The following TRIM16 variants were observed in gnomAD, a reference collection of about 807,000 sequenced individuals.
The protein encoded by TRIM16 is tripartite motif containing 16, also known as tripartite motif-containing protein 16.
In TRIM16, 33 loss-of-function variants were observed where a neutral mutation model predicts 50.4. The ratio of observed to expected loss-of-function variants is 0.65; its 90% CI spans 0.50 to 0.88. The LOEUF is 0.88. Ranked by LOEUF, TRIM16 falls within the 40% of genes least tolerant of loss-of-function variation. The pLI, the probability that TRIM16 is intolerant of heterozygous loss-of-function variation, is 0.00. For synonymous variants in TRIM16, 229 were observed against 270.7 expected, an observed-to-expected ratio of 0.85 and a Z score of 1.51; for missense variants, 581 against 686.8, an observed-to-expected ratio of 0.85 and a Z score of 1.72.
intron 8 of TRIM16, among the ~76,000 whole-genome samples, chr17:15,640,817 T>C (rs193066634): frequency 1.3e-5 from 2 of 148,348 alleles, no homozygotes; most frequent in East Asian, 2.1e-4. Flanking sequence ...AGGCTCCAGG[T>C]AGCCAGGCTC....
At chr17:15,679,304 G>A (rs1035849734) in intron 4 of TRIM16, among the ~76,000 whole-genome samples, 1 of 152,232 alleles carries the variant, frequency 6.6e-6, no homozygotes, top group Non-Finnish European at 1.5e-5. Context: ...TGTGTAGAAT[G>A]CTCCTGGATA....
intron 6 of TRIM16, among the ~76,000 whole-genome samples, chr17:15,656,352 T>C (rs1987980264): frequency 6.6e-6 from 1 of 152,208 alleles, no homozygotes; most frequent in South Asian, 2.1e-4. Flanking sequence ...CACTGAGCCC[T>C]GGGGCATCTT....
chr17:15,664,662 G>T (rs139809709), intron 6 of TRIM16, among the ~76,000 whole-genome samples: 1 of 152,248 alleles, frequency 6.6e-6, no homozygotes, highest in African/African-American at 2.4e-5. Flanking sequence ...AATGCGCCTC[G>T]GGGAGGCTTC....
intron 6 of TRIM16, among the ~76,000 whole-genome samples, chr17:15,666,975 G>A (rs148703157): frequency 1.0e-3 from 152 of 152,050 alleles, no homozygotes; most frequent in African/African-American, 3.4e-3. Flanking sequence ...CTCTGCCTTG[G>A]GGGGGCGGTG....
intron 6 of TRIM16, among the ~76,000 whole-genome samples, chr17:15,676,502 T>C: frequency 6.6e-6 from 1 of 150,858 alleles, no homozygotes; most frequent in East Asian, 2.0e-4. Context: ...TGGCATGATC[T>C]CGGCTCGCTG....
In TRIM16 at chr17:15,628,878, C is replaced by G; in HGVS notation, c.1432G>C (p.Ala478Pro). 4.3e-6 allele frequency: 7 copies of G among 1,614,230 alleles called. No individual in the cohort carries two copies. Among genetic ancestry groups the G allele is most frequent in the Non-Finnish European group, 5.9e-6 (7 of 1,180,046 alleles). The change falls in exon 12 of 12, where the codon GCC (alanine) becomes CCC (proline). Residue 478 changes from alanine to proline, a missense_variant. Around this residue, in one of 3 missense-constraint regions of TRIM16, gnomAD observed 115 missense variants for 106.7 expected, o/e 1.08. Coordinates refer to ENST00000649191, the MANE Select transcript of TRIM16 (RefSeq NM_001348119.1). ...GGGGTCTCCATGTCACTGTACCAGGCCGTGAACTCCTTCCCGTTCCATTGG... is the reference window on the plus strand; with the variant it reads ...GGGGTCTCCATGTCACTGTACCAGGGCGTGAACTCCTTCCCGTTCCATTGG... ...SLQWNGKEFTAWYSDMETPLK... is the reference protein window; with the variant it reads ...SLQWNGKEFTPWYSDMETPLK...
At chr17:15,678,742 A>G (rs1043212980) in intron 4 of TRIM16, among the ~76,000 whole-genome samples, 1 of 152,234 alleles carries the variant, frequency 6.6e-6, no homozygotes, top group African/African-American at 2.4e-5. Context: ...GCCAACCCAA[A>G]CTAATTCAGA....
intron 6 of TRIM16, chr17:15,654,521 A>C (rs1371395579): frequency 6.6e-6 from 1 of 152,252 alleles, no homozygotes; most frequent in East Asian, 1.9e-4. Context: ...GAGGAAGAGA[A>C]AGAGCTGAAG....
rs1378885377 is a variant in TRIM16, at chr17:15,639,693, A to G, written c.615+3028T>C. On this transcript the variant is annotated intron_variant, in intron 8 of 11. Transcript: ENST00000649191. ...CTCAGAAAGACTGCAGGTGGGGACA[A>G]TAGTAGAGAAGGAGGCAGGCAGAGA... Among the ~76,000 whole-genome samples the G allele has an allele frequency of 1.0e-4, 15 of 149,768 alleles. 1 individual carries two copies. The highest frequency in any genetic ancestry group is 3.7e-4 in the African/African-American group (15 of 40,522).
Position 15,667,886 on chromosome 17 carries a change from CT to C in TRIM16, c.-338+9289del, listed in dbSNP as rs547737061. ...TGACGTCCATACTTACTCAGATTTTCTTTTTTTTTTTTCTAGTGTCCTTTGT... is the reference window on the plus strand; with the variant it reads ...TGACGTCCATACTTACTCAGATTTTCTTTTTTTTTTTCTAGTGTCCTTTGT... On this transcript the variant is annotated intron_variant, in intron 6 of 11. Transcript: ENST00000649191. Among the ~76,000 whole-genome samples the C allele has an allele frequency of 4.2e-4, 62 of 146,364 alleles. No homozygotes were observed. In the South Asian group the frequency reaches 5.0e-3, roughly 12 times the overall value.
Position 15,651,599 on chromosome 17 carries a change from A to C in TRIM16, c.11T>G (p.Leu4Trp). The part of the protein sequence containing the change: MAE[L>W]DLMAPGPLPR... ...CAGTGGCCCTGGAGCCATTAGATCC[A>C]ACTCAGCCATCTGGGAGGCTCTGCT... Residue 4 changes from leucine (L) to tryptophan (W), a missense_variant, in exon 7 of 12, where the codon TTG becomes TGG. Leu to Trp is a moderately conservative substitution (Grantham distance 61, BLOSUM62 -2). Transcript: ENST00000649191. 2 of 1,613,782 alleles carry C rather than the reference A, an allele frequency of 1.2e-6. No individual in the cohort carries two copies. The highest frequency in any genetic ancestry group is 1.7e-6 in the Non-Finnish European group (2 of 1,179,806).
At chr17:15,679,687 C>T (rs1989097871) in intron 4 of TRIM16, among the ~76,000 whole-genome samples, 2 of 152,162 alleles carry the variant, frequency 1.3e-5, no homozygotes, top group African/African-American at 4.8e-5. Flanking sequence ...CCTGTAATCC[C>T]AGCACTTTGG....
chr17:15,649,402 G>T (rs879574172), intron 7 of TRIM16, among the ~76,000 whole-genome samples: 27 of 151,958 alleles, frequency 1.8e-4, no homozygotes, highest in Non-Finnish European at 5.9e-5. Context: ...TTCTCCTACT[G>T]CAGCCTCCCT....
At chr17:15,654,381 T>C (rs1361880401) in intron 6 of TRIM16, 1 of 152,198 alleles carries the variant, frequency 6.6e-6, no homozygotes, top group Non-Finnish European at 1.5e-5. Context: ...TTTCTGATCC[T>C]GGCCAGGGTC....
In TRIM16 at chr17:15,671,416, C is replaced by CA. The variant is rs1429231643; in HGVS notation, c.-338+5759dup. ...TTTGGTTTGGGGGGATATCTTGGTG[C>CA]ATATGGGTGAATTCTTGTTAAGTAA... On this transcript the variant is annotated intron_variant, in intron 6 of 11. Transcript: ENST00000649191. Among the ~76,000 whole-genome samples, 11 of 149,506 alleles carry CA rather than the reference C, an allele frequency of 7.4e-5. 1 individual carries two copies. Among genetic ancestry groups the CA allele is most frequent in the Admixed American group, 4.7e-4 (7 of 14,812 alleles).
chr17:15,664,792 T>C lies in TRIM16; in HGVS notation c.-338+12384A>G, dbSNP rs778474828. Among the ~76,000 whole-genome samples, 29 of 152,108 alleles carry C rather than the reference T, an allele frequency of 1.9e-4. 1 individual carries two copies. Among genetic ancestry groups the C allele is most frequent in the Non-Finnish European group, 3.7e-4 (25 of 68,012 alleles). On this transcript the variant is annotated intron_variant, in intron 6 of 11. Coordinates refer to ENST00000649191, the MANE Select transcript of TRIM16 (RefSeq NM_001348119.1). Reference sequence around the variant, plus strand: ...GCTCACTCCTGTCATCCCAGCGCTCTGGAAGGCCAAGGTGGGTGGATCACT... The same window carrying C: ...GCTCACTCCTGTCATCCCAGCGCTCCGGAAGGCCAAGGTGGGTGGATCACT...
Position 15,631,618 on chromosome 17 carries a change from C to T in TRIM16, c.1111+1G>A. The T allele has an allele frequency of 6.2e-7, 1 of 1,613,968 alleles. No individual in the cohort carries two copies. The highest frequency in any genetic ancestry group is 8.5e-7 in the Non-Finnish European group (1 of 1,179,852). The stretch of plus-strand genomic sequence containing the variant: ...AGAAGCGGGTGCCGTTCACAACTTA[C>T]ATTGGAGGAACTGTTCCCTGGTGCT... On this transcript the variant is annotated splice_donor_variant, in intron 11 of 11. Transcript: ENST00000649191. LOFTEE classifies it high-confidence loss of function.
rs558765410 is a variant in TRIM16, at chr17:15,647,816, T to TACACACACACACACACAC, written c.519+3257_519+3274dup. ...AGTCATAGAAGGAGTCCAGATTTCA[T>TACACACACACACACACAC]ACACACACACACACACACACACACA... is the stretch of plus-strand genomic sequence containing the variant. On this transcript the variant is annotated intron_variant, in intron 7 of 11. Coordinates refer to ENST00000649191, the MANE Select transcript of TRIM16 (RefSeq NM_001348119.1). Among the ~76,000 whole-genome samples, 74 of 139,198 alleles carry TACACACACACACACACAC rather than the reference T, an allele frequency of 5.3e-4. 1 individual carries two copies. Among genetic ancestry groups the TACACACACACACACACAC allele is most frequent in the African/African-American group, 1.3e-3 (48 of 36,234 alleles). 91.3% of individuals were successfully genotyped at this position (139,198 alleles called of 152,430 possible).
intron 4 of TRIM16, among the ~76,000 whole-genome samples, chr17:15,679,706 G>A (rs377370423): frequency 2.6e-5 from 4 of 152,340 alleles, no homozygotes; most frequent in African/African-American, 9.6e-5. Context: ...GGGAGGCCGA[G>A]GCGGGCAGAT....
Sources: allele counts gnomAD v4.1 joint callset (sites outside exome capture counted in the v4.1 genomes callset), GRCh38; gene constraint gnomAD v4.1.1; regional missense constraint gnomAD v4.1.1; transcripts MANE v1.5; gene names NCBI Gene and HGNC (gene_info 2026-07-23, HGNC 2026-07-21).